The following GBE1 variants were observed in gnomAD, a reference collection of about 807,000 sequenced individuals.
GBE1 encodes the protein 1,4-alpha-glucan-branching enzyme.
Under a neutral mutation model 88.8 loss-of-function variants are expected in GBE1, and 70 were observed. The ratio of observed to expected loss-of-function variants is 0.79; its 90% CI spans 0.65 to 0.96. The LOEUF (loss-of-function observed/expected upper bound fraction) is 0.96, where lower values mean the gene tolerates loss of function less well. Ranked by LOEUF, GBE1 falls within the 40% of genes least tolerant of loss-of-function variation. The pLI, the probability that GBE1 is intolerant of heterozygous loss-of-function variation, is 0.00. For synonymous variants in GBE1, 284 were observed against 300.1 expected, an observed-to-expected ratio of 0.95 and a Z score of 0.56; for missense variants, 872 against 871.0, an observed-to-expected ratio of 1.00 and a Z score of -0.01.
At chr3:81,530,270 A>AT (rs71108322) in intron 14 of GBE1, among the ~76,000 whole-genome samples, 1,767 of 141,778 alleles carry the variant, frequency 0.012, 11 homozygotes, top group African/African-American at 0.019. Context: ...TTGCTATTTC[A>AT]TTTTTTTTTT....
intron 14 of GBE1, among the ~76,000 whole-genome samples, chr3:81,526,497 G>T (rs1215372589): frequency 3.3e-5 from 5 of 151,942 alleles, no homozygotes; most frequent in Non-Finnish European, 5.9e-5. Flanking sequence ...AAAATCTCCT[G>T]AAGCTGATAA....
chr3:81,759,016 C>A (rs1233138328), intron 1 of GBE1, among the ~76,000 whole-genome samples: 1 of 152,208 alleles, frequency 6.6e-6, no homozygotes, highest in East Asian at 1.9e-4. Context: ...TTTCCCTGCA[C>A]AAGCTCTCTT....
Position 81,582,561 on chromosome 3 carries a change from T to C in GBE1, c.1336-1286A>G, listed in dbSNP as rs1380276620. On this transcript the variant is annotated intron_variant, in intron 10 of 15. Coordinates refer to ENST00000429644, the MANE Select transcript of GBE1 (RefSeq NM_000158.4). ...TGTGGTAAATTGGATATGGGAATAA[T>C]AGGAAACTAATGTATAGACCTACAC... Among the ~76,000 whole-genome samples, 4 of 151,996 alleles carry C rather than the reference T, an allele frequency of 2.6e-5. No homozygotes were observed. In the East Asian group the frequency reaches 5.8e-4, roughly 22 times the overall value.
intron 2 of GBE1, among the ~76,000 whole-genome samples, chr3:81,687,943 A>C (rs1468492198): frequency 6.6e-6 from 1 of 152,206 alleles, no homozygotes; most frequent in Admixed American, 6.5e-5. Context: ...CCTTTTACAC[A>C]ATAAAGTTTG....
intron 14 of GBE1, among the ~76,000 whole-genome samples, chr3:81,510,585 A>G (rs549468603): frequency 6.6e-6 from 1 of 152,044 alleles, no homozygotes; most frequent in Non-Finnish European, 1.5e-5. Context: ...GTGAGGAGAA[A>G]GATTCAAAGT....
At chr3:81,680,942 G>A (rs760133562) in intron 2 of GBE1, among the ~76,000 whole-genome samples, 5 of 152,220 alleles carry the variant, frequency 3.3e-5, no homozygotes, top group South Asian at 2.1e-4. Flanking sequence ...AGAAATAAAC[G>A]TCTGTTGTTT....
At chr3:81,727,011 TG>T (rs1706122323) in intron 1 of GBE1, among the ~76,000 whole-genome samples, 1 of 152,238 alleles carries the variant, frequency 6.6e-6, no homozygotes, top group East Asian at 1.9e-4. Context: ...TAATGATGGG[TG>T]GAGGAGGGTA....
chr3:81,491,856 T>G (rs983908673), intron 15 of GBE1, among the ~76,000 whole-genome samples: 1 of 152,196 alleles, frequency 6.6e-6, no homozygotes, highest in Non-Finnish European at 1.5e-5. Flanking sequence ...GCATCTCAAC[T>G]CTACAAATGT....
intron 12 of GBE1, among the ~76,000 whole-genome samples, chr3:81,568,988 C>T (rs902990366): frequency 6.6e-6 from 1 of 151,850 alleles, no homozygotes; most frequent in African/African-American, 2.4e-5. Context: ...TACCACCCCC[C>T]CAAAATATGA....
At chr3:81,572,686 A>C (rs139275827) in intron 12 of GBE1, among the ~76,000 whole-genome samples, 4 of 152,228 alleles carry the variant, frequency 2.6e-5, no homozygotes, top group Non-Finnish European at 4.4e-5. Flanking sequence ...TATATATTTA[A>C]AATGAATTAA....
chr3:81,654,055 G>A (rs1218672772), intron 3 of GBE1, among the ~76,000 whole-genome samples: 1 of 151,910 alleles, frequency 6.6e-6, no homozygotes, highest in Non-Finnish European at 1.5e-5. Flanking sequence ...CAAATTACTT[G>A]AAAGAAATAT....
At chr3:81,717,959 A>T (rs1316447902) in intron 1 of GBE1, among the ~76,000 whole-genome samples, 4 of 42,432 alleles carry the variant, frequency 9.4e-5, no homozygotes, top group African/African-American at 2.0e-4. Flanking sequence ...ATTTTATTTT[A>T]TTTATTTATT....
chr3:81,573,421 C>T (rs1019610688), intron 12 of GBE1, among the ~76,000 whole-genome samples: 1 of 152,186 alleles, frequency 6.6e-6, no homozygotes, highest in Non-Finnish European at 1.5e-5. Flanking sequence ...CAACAATCTC[C>T]AAAACAAGTT....
chr3:81,702,381 T>C (rs1400421060), intron 2 of GBE1, among the ~76,000 whole-genome samples: 2 of 151,860 alleles, frequency 1.3e-5, no homozygotes, highest in Non-Finnish European at 2.9e-5. Flanking sequence ...AAAGTTGAGA[T>C]CCCATTCACA....
rs145867211 is a variant in GBE1, at chr3:81,702,082, G to GGA, written c.313+3360_313+3361dup. On this transcript the variant is annotated intron_variant, in intron 2 of 15. Transcript: ENST00000429644. The stretch of plus-strand genomic sequence containing the variant: ...GGGAAAAATAAAATACAGAATCCCT[G>GGA]GAGAGAGAGAGAGAGAGAGAGTGTG... 5.4e-3 allele frequency among the ~76,000 whole-genome samples: 414 copies of GGA among 76,466 alleles called. 9 individuals carry two copies. The highest frequency in any genetic ancestry group is 0.035 in the East Asian group (69 of 1,954). The allele number at this position is 76,466 out of a possible 152,430, so 50.2% of individuals were successfully genotyped here. A position where few individuals can be genotyped will look rare whatever the true frequency, so the allele number is the denominator to read the frequency against.
intron 7 of GBE1, among the ~76,000 whole-genome samples, chr3:81,602,435 T>C (rs1026209890): frequency 8.5e-5 from 13 of 152,266 alleles, no homozygotes; most frequent in Non-Finnish European, 1.5e-4. Flanking sequence ...ACAACAAAAA[T>C]TTATTCCTCA....
At chr3:81,510,631 C>T (rs1021447031) in intron 14 of GBE1, among the ~76,000 whole-genome samples, 5 of 151,974 alleles carry the variant, frequency 3.3e-5, no homozygotes, top group South Asian at 2.1e-4. Context: ...AAATTGGGTA[C>T]ATTTTATACT....
Position 81,586,203 on chromosome 3 carries a change from A to C in GBE1, c.1237-13T>G. ...TTCCTGATACATCCTACAACAAAGA[A>C]CGTCGGTTCATAATGATCAAACTTT... is the stretch of plus-strand genomic sequence containing the variant. On this transcript the variant is annotated splice_polypyrimidine_tract_variant and intron_variant, in intron 9 of 15. Coordinates refer to ENST00000429644, the MANE Select transcript of GBE1 (RefSeq NM_000158.4). The C allele has an allele frequency of 6.6e-7, 1 of 1,522,462 alleles. No individual in the cohort carries two copies. The highest frequency in any genetic ancestry group is 9.0e-7 in the Non-Finnish European group (1 of 1,111,306). The allele number at this position is 1,522,462 out of a possible 1,614,324, so 94.3% of individuals were successfully genotyped here.
intron 1 of GBE1, chr3:81,743,444 A>AC (rs1706378844): frequency 2.8e-6 from 2 of 705,782 alleles, no homozygotes; most frequent in Non-Finnish European, 5.0e-6. Flanking sequence ...ACACACATAC[A>AC]CCCCCACAAT....
Sources: allele counts gnomAD v4.1 joint callset (sites outside exome capture counted in the v4.1 genomes callset), GRCh38; gene constraint gnomAD v4.1.1; transcripts MANE v1.5; gene names NCBI Gene and HGNC (gene_info 2026-07-23, HGNC 2026-07-21).